The following PGM1 variants were observed in gnomAD, a reference collection of about 807,000 sequenced individuals.
PGM1 encodes the protein phosphoglucomutase-1.
PGM1 carries 52 observed loss-of-function variants against 55.6 expected under a neutral mutation model. The ratio of observed to expected loss-of-function variants is 0.94; its 90% CI spans 0.75 to 1.18. The LOEUF is 1.18. Among genes scored for constraint, PGM1 ranks in the 50% most tolerant of loss-of-function variants. The pLI is 0.00. For synonymous variants in PGM1, 287 were observed against 271.7 expected (o/e 1.06, Z -0.55); for missense variants, 724 against 729.3 (o/e 0.99, Z 0.08).
chr1:63,614,493 C>G (rs1352480186), intron 1 of PGM1, among the ~76,000 whole-genome samples: 1 of 152,174 alleles, frequency 6.6e-6, no homozygotes, highest in Non-Finnish European at 1.5e-5. Context: ...CCACATTTAC[C>G]CACATGCTTT....
chr1:63,654,650 G>C (rs1649911978), intron 10 of PGM1, among the ~76,000 whole-genome samples, 184 bp downstream of exon 10: 1 of 151,952 alleles, frequency 6.6e-6, no homozygotes, highest in Non-Finnish European at 1.5e-5. Context: ...ATAAAAATAG[G>C]GAGGCTGAGG....
chr1:63,659,548 G>A (rs374133403), intron 10 of PGM1, 38 bp from the exon 11 acceptor site: 55 of 1,518,764 alleles, frequency 3.6e-5, no homozygotes, highest in Middle Eastern at 1.7e-4. Context: ...TGTGTTTAGA[G>A]GAAGTGATGG....
At chr1:63,653,244 A>G (rs2269235) in intron 9 of PGM1, among the ~76,000 whole-genome samples, 38,720 of 152,146 alleles carry the variant, frequency 0.25, 5,437 homozygotes, top group Admixed American at 0.35. Flanking sequence ...TCCAACATAT[A>G]TAGATAGAAC....
intron 8 of PGM1, among the ~76,000 whole-genome samples, chr1:63,651,194 A>G (rs998765423): frequency 5.9e-5 from 9 of 152,132 alleles, no homozygotes; most frequent in African/African-American, 1.9e-4. Flanking sequence ...CTTAGTCAAA[A>G]TCTCAGCAGC....
intron 6 of PGM1, among the ~76,000 whole-genome samples, chr1:63,636,931 CACAA>C (rs957177335): frequency 9.8e-5 from 15 of 152,308 alleles, no homozygotes; most frequent in African/African-American, 3.4e-4. Flanking sequence ...CTCTTGCCCA[CACAA>C]ACACAGTGAA....
In PGM1 at chr1:63,621,456, A is replaced by G. The variant is rs369546790; in HGVS notation, c.247-7969A>G. On this transcript the variant is annotated intron_variant, in intron 1 of 10. Transcript: ENST00000371084. ...TTATTCCAATGAAAAGATTATTGGA[A>G]TGATATTTTATAAATCTGGATCTAT... 4.6e-5 allele frequency among the ~76,000 whole-genome samples: 7 copies of G among 152,348 alleles called. No individual in the cohort carries two copies. The South Asian group carries it at 1.4e-3, about 32-fold the overall frequency.
chr1:63,613,362 A>G (rs1347142659), intron 1 of PGM1, among the ~76,000 whole-genome samples: 2 of 144,460 alleles, frequency 1.4e-5, no homozygotes, highest in African/African-American at 5.3e-5. Flanking sequence ...ATTCTCTTGC[A>G]CTTCTGGCAG....
chr1:63,593,654 A>G lies in PGM1; in HGVS notation c.166A>G (p.Thr56Ala), dbSNP rs1296179686. Residue 56 changes from threonine (T) to alanine (A), a missense_variant, in exon 1 of 11, where the codon ACG becomes GCG. Around this residue, in one of 3 missense-constraint regions of PGM1, gnomAD observed 379 missense variants for 357.5 expected, o/e 1.06. Coordinates refer to ENST00000371084, the MANE Select transcript of PGM1 (RefSeq NM_002633.3). ...TVEPAQRQEA[T>A]LVVGGDGRFY... ...GGAGCCGGCGCAGCGGCAGGAGGCC[A>G]CGCTGGTGGTGGGCGGGGACGGCCG... is the stretch of plus-strand genomic sequence containing the variant. 3 of 1,610,068 alleles carry G rather than the reference A, an allele frequency of 1.9e-6. No homozygotes were observed. The African/African-American group carries it at 4.0e-5, about 21-fold the overall frequency.
At chr1:63,650,376 AG>A (rs1192809669) in intron 8 of PGM1, among the ~76,000 whole-genome samples, 2 of 152,202 alleles carry the variant, frequency 1.3e-5, no homozygotes, top group Non-Finnish European at 2.9e-5. Flanking sequence ...CTCTGTGCCT[AG>A]GGTTTAGAAA....
At position 63,659,915 on chromosome 1, in the gene PGM1, T is replaced by C. The variant is rs1650073178; in HGVS notation, c.*240T>C. 2 of 601,880 alleles carry C rather than the reference T, an allele frequency of 3.3e-6. No individual in the cohort carries two copies. 37.3% of individuals were successfully genotyped at this position (601,880 alleles called of 1,614,324 possible). On this transcript the variant is annotated 3_prime_UTR_variant, in exon 11 of 11. Coordinates refer to ENST00000371084, the MANE Select transcript of PGM1 (RefSeq NM_002633.3). ...CAATTCCTTTTCATGCCCTCCTGCATTGCTGCTGCGTGGGTATTTGTCTCC... is the reference window on the plus strand; with the variant it reads ...CAATTCCTTTTCATGCCCTCCTGCACTGCTGCTGCGTGGGTATTTGTCTCC...
At chr1:63,632,219 G>A (rs975128528) in intron 4 of PGM1, among the ~76,000 whole-genome samples, 1 of 152,120 alleles carries the variant, frequency 6.6e-6, no homozygotes, top group Non-Finnish European at 1.5e-5. Flanking sequence ...AGAGCAAGCT[G>A]AGGATTAAAT....
chr1:63,599,293 G>A (rs1041116866), intron 1 of PGM1, among the ~76,000 whole-genome samples: 10 of 152,082 alleles, frequency 6.6e-5, no homozygotes, highest in African/African-American at 1.7e-4. Flanking sequence ...AGCCTCCTGA[G>A]TAGGTGGGAC....
intron 1 of PGM1, among the ~76,000 whole-genome samples, chr1:63,604,334 T>C (rs1648351952): frequency 6.6e-6 from 1 of 152,180 alleles, no homozygotes; most frequent in African/African-American, 2.4e-5. Flanking sequence ...GATGGATCCA[T>C]GATGTTGGGA....
chr1:63,650,534 C>T (rs747048895), intron 8 of PGM1, among the ~76,000 whole-genome samples: 2 of 152,166 alleles, frequency 1.3e-5, no homozygotes, highest in Non-Finnish European at 2.9e-5. Flanking sequence ...AATCCTGGAG[C>T]CAGAATAGGC....
intron 1 of PGM1, among the ~76,000 whole-genome samples, chr1:63,629,181 A>G (rs1193287042): frequency 6.6e-6 from 1 of 152,206 alleles, no homozygotes; most frequent in Non-Finnish European, 1.5e-5. Flanking sequence ...CACAGACCAC[A>G]CACTTCTAAA....
Position 63,593,625 on chromosome 1 carries a change from C to T in PGM1, c.137C>T (p.Thr46Ile). The T allele has an allele frequency of 6.2e-7, 1 of 1,612,570 alleles. No homozygotes were observed. The highest frequency in any genetic ancestry group is 8.5e-7 in the Non-Finnish European group (1 of 1,179,540). The change falls in exon 1 of 11, where the codon ACC becomes ATC. Residue 46 changes from threonine (T) to isoleucine (I), a missense_variant. Coordinates refer to ENST00000371084, the MANE Select transcript of PGM1 (RefSeq NM_002633.3). ...AENFIQSIIS[T>I]VEPAQRQEAT... Reference sequence around the variant, plus strand: ...AACTTCATCCAGAGTATCATCTCCACCGTGGAGCCGGCGCAGCGGCAGGAG... The same window carrying T: ...AACTTCATCCAGAGTATCATCTCCATCGTGGAGCCGGCGCAGCGGCAGGAG...
At chr1:63,644,014 C>G (rs1012451168) in intron 7 of PGM1, among the ~76,000 whole-genome samples, 4 of 152,178 alleles carry the variant, frequency 2.6e-5, no homozygotes, top group Admixed American at 1.3e-4. Context: ...TGTCATGCCC[C>G]CATCCTCAGG....
At chr1:63,658,752 CAAA>C (rs35160588) in intron 10 of PGM1, among the ~76,000 whole-genome samples, 3 of 119,504 alleles carry the variant, frequency 2.5e-5, no homozygotes. Context: ...AACTCCATCT[CAAA>C]AAAAAAAAAA....
At chr1:63,645,225 T>G (rs768105328) in intron 7 of PGM1, among the ~76,000 whole-genome samples, 3 of 152,244 alleles carry the variant, frequency 2.0e-5, no homozygotes, top group Non-Finnish European at 2.9e-5. Context: ...GGTGTATGAT[T>G]TAGTTATCTC....
Sources: gnomAD v4.1 joint callset for allele counts (sites outside exome capture counted in the v4.1 genomes callset) on GRCh38, gnomAD v4.1.1 for gene constraint, gnomAD v4.1.1 regional missense constraint, MANE v1.5 for transcripts, NCBI Gene and HGNC (gene_info 2026-07-23, HGNC 2026-07-21) for gene names.